The following TPH1 variants were observed in gnomAD, a reference collection of about 807,000 sequenced individuals.
TPH1 encodes tryptophan 5-hydroxylase 1.
A neutral mutation model predicts 49.5 loss-of-function variants in TPH1; 37 were observed. That is an observed-to-expected ratio of 0.75 (90% CI 0.58 to 0.98). The LOEUF (loss-of-function observed/expected upper bound fraction) is 0.98, where lower values mean the gene tolerates loss of function less well. Ranked by LOEUF, TPH1 falls within the 50% of genes least tolerant of loss-of-function variation. TPH1 has a pLI of 0.00. For missense variants in TPH1, 487 were observed against 523.6 expected, an observed-to-expected ratio of 0.93 and a Z score of 0.68; for synonymous variants, 160 against 182.1, an observed-to-expected ratio of 0.88 and a Z score of 0.98.
In TPH1 at chr11:18,020,826, T is replaced by C. The variant is rs1854351209; in HGVS notation, c.*165A>G. 2 of 662,286 alleles carry C rather than the reference T, an allele frequency of 3.0e-6. No homozygotes were observed. Among genetic ancestry groups the C allele is most frequent in the Non-Finnish European group, 5.3e-6 (2 of 379,406 alleles). 41.0% of individuals were successfully genotyped at this position (662,286 alleles called of 1,614,324 possible). A position where few individuals can be genotyped will look rare whatever the true frequency, so the allele number is the denominator to read the frequency against. ...AAAAAAATAAGTGGTAAATAGAATA[T>C]CCAGGTACAAATTTTCAAAGACTAG... On this transcript the variant is annotated 3_prime_UTR_variant, in exon 11 of 11. Coordinates refer to ENST00000682019, the MANE Select transcript of TPH1 (RefSeq NM_004179.3).
At chr11:18,024,448 T>C (rs569732314) in intron 8 of TPH1, among the ~76,000 whole-genome samples, 5 of 152,320 alleles carry the variant, frequency 3.3e-5, no homozygotes, top group African/African-American at 9.6e-5. Context: ...TCGTGTCTGC[T>C]TCTGTAGTTA....
At position 18,026,368 on chromosome 11, in the gene TPH1, G is replaced by T. The variant is rs1040566216; in HGVS notation, c.803+122C>A. On this transcript the variant is annotated intron_variant, in intron 7 of 10. Coordinates refer to ENST00000682019, the MANE Select transcript of TPH1 (RefSeq NM_004179.3). ...GTACCATTCTAAATGCTTCACATGT[G>T]CTAATTTATTTAATCCTCGCACACC... The T allele has an allele frequency of 6.4e-5, 60 of 940,252 alleles. No individual in the cohort carries two copies. The African/African-American group carries it at 8.5e-4, about 13-fold the overall frequency. The allele number at this position is 940,252 out of a possible 1,614,324, so 58.2% of individuals were successfully genotyped here.
chr11:18,018,760 C>A lies in TPH1; in HGVS notation c.*2231G>T. The A allele has an allele frequency of 7.6e-6, 1 of 131,454 alleles. No individual in the cohort carries two copies. Among genetic ancestry groups the A allele is most frequent in the Non-Finnish European group, 1.6e-5 (1 of 64,220 alleles). 8.1% of individuals were successfully genotyped at this position (131,454 alleles called of 1,614,324 possible). ...TAAGGCTGTGCCTTTAACATTTATT[C>A]TCATGTGCTTTAGTCATAGAGTGAT... On this transcript the variant is annotated 3_prime_UTR_variant, in exon 11 of 11. Transcript: ENST00000682019.
intron 1 of TPH1, among the ~76,000 whole-genome samples, chr11:18,042,795 GA>G (rs1323714740): frequency 6.6e-6 from 1 of 152,142 alleles, no homozygotes; most frequent in Non-Finnish European, 1.5e-5. Flanking sequence ...CTCTGGCTAA[GA>G]ATTTTTCTTG....
In TPH1 at chr11:18,024,003, T is replaced by C; in HGVS notation, c.931-20A>G. ...GTAGCACTGCAAAAGAACATCAATA[T>C]TATTCTCACACACTGACGAATTCAA... On this transcript the variant is annotated intron_variant, in intron 8 of 10. Transcript: ENST00000682019. 1 of 1,544,764 alleles carries C rather than the reference T, an allele frequency of 6.5e-7. No individual in the cohort carries two copies. The highest frequency in any genetic ancestry group is 1.1e-5 in the South Asian group (1 of 89,656).
rs1212348182 is a variant in TPH1, at chr11:18,018,781, G to A, written c.*2210C>T. ...TATTCTCATGTGCTTTAGTCATAGA[G>A]TGATTTTAAACATCATCATTTTAAA... On this transcript the variant is annotated 3_prime_UTR_variant, in exon 11 of 11. Transcript: ENST00000682019. The A allele has an allele frequency of 6.8e-6, 1 of 147,218 alleles. No individual in the cohort carries two copies. The highest frequency in any genetic ancestry group is 1.5e-5 in the Non-Finnish European group (1 of 67,274). The allele number at this position is 147,218 out of a possible 1,614,324, so 9.1% of individuals were successfully genotyped here.
chr11:18,024,685 G>T (rs887171607), intron 8 of TPH1, among the ~76,000 whole-genome samples: 1 of 152,218 alleles, frequency 6.6e-6, no homozygotes, highest in Admixed American at 6.5e-5. Context: ...TCCACTGTGT[G>T]CTTTGAATGG....
At chr11:18,021,673 G>T (rs919120417) in intron 10 of TPH1, among the ~76,000 whole-genome samples, 3 of 151,968 alleles carry the variant, frequency 2.0e-5, no homozygotes, top group Non-Finnish European at 4.4e-5. Flanking sequence ...AATAGACTAG[G>T]AATGGTCCTA....
chr11:18,032,292 G>A (rs1251153461), intron 4 of TPH1, among the ~76,000 whole-genome samples: 1 of 152,100 alleles, frequency 6.6e-6, no homozygotes, highest in African/African-American at 2.4e-5. Context: ...ATCATGGTGG[G>A]CAGTGTGGGG....
At chr11:18,026,681 C>T in intron 6 of TPH1, 56 bp from the exon 7 acceptor site, 1 of 1,609,838 alleles carries the variant, frequency 6.2e-7, no homozygotes, top group Non-Finnish European at 8.5e-7. Context: ...CCCCTGACTG[C>T]AGCATTTTAG....
intron 4 of TPH1, among the ~76,000 whole-genome samples, chr11:18,030,595 A>T (rs926077423): frequency 6.6e-6 from 1 of 152,190 alleles, no homozygotes; most frequent in East Asian, 1.9e-4. Context: ...TGAACAAAGC[A>T]CAGTCTGGGG....
At position 18,039,744 on chromosome 11, in the gene TPH1, C is replaced by T. The variant is rs79251214; in HGVS notation, c.117+902G>A. On this transcript the variant is annotated intron_variant, in intron 2 of 10. Transcript: ENST00000682019. The stretch of plus-strand genomic sequence containing the variant: ...ACTGTGTTTACTTTGTCCAGCTCCA[C>T]ATCCTTAGTGTCTGGTGTGGTACCT... Among the ~76,000 whole-genome samples, 1,022 of 152,292 alleles carry T rather than the reference C, an allele frequency of 6.7e-3. 10 individuals are homozygous for T. Among genetic ancestry groups the T allele is most frequent in the African/African-American group, 0.019 (781 of 41,548 alleles).
chr11:18,023,815 A>G, intron 9 of TPH1, 73 bp downstream of exon 9: 1 of 1,254,392 alleles, frequency 8.0e-7, no homozygotes, highest in East Asian at 2.3e-5. Context: ...CTTGTTCAAA[A>G]GCAAAAACTA....
chr11:18,038,936 T>C (rs189820528), intron 2 of TPH1, among the ~76,000 whole-genome samples: 1 of 152,252 alleles, frequency 6.6e-6, no homozygotes, highest in East Asian at 1.9e-4. Flanking sequence ...GGTATCAGTA[T>C]CATTGTTCAT....
chr11:18,045,083 A>T (rs1465273339), intron 1 of TPH1, among the ~76,000 whole-genome samples: 1 of 152,242 alleles, frequency 6.6e-6, no homozygotes, highest in Non-Finnish European at 1.5e-5. Context: ...CCTTAGTTTA[A>T]TCAGTAAAAC....
At position 18,019,548 on chromosome 11, in the gene TPH1, A is replaced by G; in HGVS notation, c.*1443T>C. The G allele has an allele frequency of 2.3e-6, 1 of 429,892 alleles. No individual in the cohort carries two copies. The highest frequency in any genetic ancestry group is 4.6e-6 in the Non-Finnish European group (1 of 215,840). The allele number at this position is 429,892 out of a possible 1,614,324, so 26.6% of individuals were successfully genotyped here. A position where few individuals can be genotyped will look rare whatever the true frequency, so the allele number is the denominator to read the frequency against. On this transcript the variant is annotated 3_prime_UTR_variant, in exon 11 of 11. Coordinates refer to ENST00000682019, the MANE Select transcript of TPH1 (RefSeq NM_004179.3). ...GGCCTAAATTATGAGACATCTACATAGACATCCAGGAGTTCGTTGGAATTA... is the reference window on the plus strand; with the variant it reads ...GGCCTAAATTATGAGACATCTACATGGACATCCAGGAGTTCGTTGGAATTA...
At chr11:18,044,817 A>T (rs1301824585) in intron 1 of TPH1, among the ~76,000 whole-genome samples, 5 of 152,164 alleles carry the variant, frequency 3.3e-5, no homozygotes, top group Non-Finnish European at 7.3e-5. Flanking sequence ...AATAGGTCAC[A>T]CTTGTTTGAA....
rs747933787 is a variant in TPH1 at position 18,033,287 on chromosome 11, T to C, written c.389A>G (p.Asp130Gly). The C allele has an allele frequency of 7.4e-6, 12 of 1,612,962 alleles. No individual in the cohort carries two copies. Among genetic ancestry groups the C allele is most frequent in the Admixed American group, 1.7e-5 (1 of 60,022 alleles). ...NRVLMYGSEL[D>G]ADHPGFKDNV... ...GAAAATACTTACAGGATGGTCTGCA[T>C]CTAGTTCAGATCCATACATCAGAAC... Residue 130 changes from aspartate to glycine, a missense_variant, in exon 4 of 11, where the codon GAT (aspartate) becomes GGT (glycine). By Grantham distance (94) the Asp-to-Gly change is moderately conservative (BLOSUM62 -1). Coordinates refer to ENST00000682019, the MANE Select transcript of TPH1 (RefSeq NM_004179.3).
chr11:18,026,548 C>T lies in TPH1; in HGVS notation c.745G>A (p.Val249Ile). ...CTCACATATTGAGTGCAGTGAAAAA[C>T]TCGAAAGGCTAAACCTGATAAGAAA... is the stretch of plus-strand genomic sequence containing the variant. ...RDFLSGLAFR[V>I]FHCTQYVRHS... Residue 249 changes from valine to isoleucine, a missense_variant, in exon 7 of 11, where the codon GTT becomes ATT. Coordinates refer to ENST00000682019, the MANE Select transcript of TPH1 (RefSeq NM_004179.3). The T allele has an allele frequency of 1.2e-6, 2 of 1,613,918 alleles. No individual in the cohort carries two copies. Among genetic ancestry groups the T allele is most frequent in the South Asian group, 2.2e-5 (2 of 91,076 alleles).
Sources: allele counts gnomAD v4.1 joint callset (sites outside exome capture counted in the v4.1 genomes callset), GRCh38; gene constraint gnomAD v4.1.1; transcripts MANE v1.5; gene names NCBI Gene and HGNC (gene_info 2026-07-23, HGNC 2026-07-21).